The following NLRP11 variants were observed in gnomAD, a reference collection of about 807,000 sequenced individuals.
NLRP11 encodes the protein NLR family pyrin domain containing 11, also known as NACHT, LRR and PYD domains-containing protein 11.
NLRP11 carries 53 observed loss-of-function variants against 79.3 expected under a neutral mutation model. The observed-to-expected ratio is 0.67, with a 90% CI of 0.54 to 0.84. The LOEUF is 0.84. Ranked by LOEUF, NLRP11 falls within the 40% of genes least tolerant of loss-of-function variation. The pLI, the probability that NLRP11 is intolerant of heterozygous loss-of-function variation, is 0.00. For missense variants in NLRP11, 1,264 were observed against 1,255.0 expected, an observed-to-expected ratio of 1.01 and a Z score of -0.11; for synonymous variants, 518 against 462.6, an observed-to-expected ratio of 1.12 and a Z score of -1.54.
intron 4 of NLRP11, among the ~76,000 whole-genome samples, chr19:55,802,020 A>T (rs888156796): frequency 2.0e-5 from 3 of 152,136 alleles, no homozygotes; most frequent in Admixed American, 1.3e-4. Flanking sequence ...ATACATCCAC[A>T]TGCACAAAGA....
intron 1 of NLRP11, among the ~76,000 whole-genome samples, chr19:55,819,970 A>C (rs1340756664): frequency 6.6e-6 from 1 of 152,210 alleles, no homozygotes; most frequent in Non-Finnish European, 1.5e-5. Flanking sequence ...GCCATGAAGT[A>C]CATGGAAAGA....
chr19:55,795,903 G>A (rs1212175455), intron 6 of NLRP11, among the ~76,000 whole-genome samples, 177 bp downstream of exon 6: 1 of 152,126 alleles, frequency 6.6e-6, no homozygotes, highest in Non-Finnish European at 1.5e-5. Context: ...TTTTGCCAAC[G>A]TTTCGCAAAT....
chr19:55,808,839 G>A, exon 3 of NLRP11: 2 of 1,614,002 alleles, frequency 1.2e-6, no homozygotes, highest in African/African-American at 2.7e-5. Flanking sequence ...AGTGTCCTCA[G>A]GTGACAGCAG....
intron 6 of NLRP11, among the ~76,000 whole-genome samples, chr19:55,795,721 C>T (rs1026325291): frequency 6.6e-6 from 1 of 152,138 alleles, no homozygotes; most frequent in South Asian, 2.1e-4. Context: ...AACTCCTGAC[C>T]TTGTGATCCG....
rs888650686 is a variant in NLRP11, at chr19:55,827,477, C to T, written c.-63+4486G>A. Among the ~76,000 whole-genome samples, 979 of 150,762 alleles carry T rather than the reference C, an allele frequency of 6.5e-3. 12 individuals are homozygous for T. The highest frequency in any genetic ancestry group is 0.022 in the African/African-American group (908 of 40,794). Reference sequence around the variant, plus strand: ...AGAAACTACCATCAGAGTCAACAGGCAACCTACAAAATGGGAGAAAATTTT... The same window carrying T: ...AGAAACTACCATCAGAGTCAACAGGTAACCTACAAAATGGGAGAAAATTTT... On this transcript the variant is annotated intron_variant, in intron 1 of 9. Coordinates refer to ENST00000589093, the Ensembl canonical transcript of NLRP11.
chr19:55,788,925 G>A lies in NLRP11; in HGVS notation c.2737C>T (p.Leu913Phe), dbSNP rs138159992. 3 of 1,613,812 alleles carry A rather than the reference G, an allele frequency of 1.9e-6. No individual in the cohort carries two copies. The African/African-American group carries it at 4.0e-5, about 22-fold the overall frequency. ...CTTTCTAGTGTTTTGTTGGTGGTAAGAACAGAGGCAAGAGATCGACAGCAG... is the reference window on the plus strand; with the variant it reads ...CTTTCTAGTGTTTTGTTGGTGGTAAAAACAGAGGCAAGAGATCGACAGCAG... Residue 913 changes from leucine to phenylalanine, a missense_variant, in exon 9 of 10, where the codon CTT becomes TTT. By Grantham distance (22) the Leu-to-Phe change is conservative (BLOSUM62 0). Transcript: ENST00000589093.
chr19:55,807,180 T>C (rs1369079568), intron 4 of NLRP11, among the ~76,000 whole-genome samples: 1 of 151,874 alleles, frequency 6.6e-6, no homozygotes, highest in Non-Finnish European at 1.5e-5. Context: ...AAAGTAGGCA[T>C]TCTTCTTGAA....
At chr19:55,835,895 G>T (rs564669047), upstream of NLRP11, among the ~76,000 whole-genome samples, 2 of 152,100 alleles carry the variant, frequency 1.3e-5, no homozygotes, top group Non-Finnish European at 2.9e-5. Flanking sequence ...AGGCCGAGGC[G>T]GGCAGATCAC....
exon 3 of NLRP11, chr19:55,810,060 C>A (rs757629477): frequency 1.2e-6 from 2 of 1,614,088 alleles, no homozygotes; most frequent in Non-Finnish European, 1.7e-6. Context: ...GTGAGGTGAA[C>A]GACGTACGAG....
intron 4 of NLRP11, among the ~76,000 whole-genome samples, chr19:55,806,443 C>G (rs1979995856): frequency 6.6e-6 from 1 of 152,206 alleles, no homozygotes; most frequent in Admixed American, 6.5e-5. Flanking sequence ...TGGGACAATT[C>G]TCTCTCCTAG....
intron 2 of NLRP11, among the ~76,000 whole-genome samples, chr19:55,812,957 G>A (rs1392276532): frequency 1.3e-5 from 2 of 152,090 alleles, no homozygotes; most frequent in East Asian, 1.9e-4. Context: ...GAACAACCTT[G>A]CTAAACTTTC....
chr19:55,807,777 T>C (rs1162032530), intron 4 of NLRP11, 76 bp downstream of exon 4: 4 of 1,003,232 alleles, frequency 4.0e-6, no homozygotes, highest in Admixed American at 2.2e-5. Context: ...TTGTATATTG[T>C]CTTCTCCCAG....
rs532731638 is a variant in NLRP11 at position 55,796,993 on chromosome 19, T to G, written c.2172-743A>C. ...CATGAGCCACTGTGTCCGGTCTAAC[T>G]TTCTATTCATTACTCATTCTGTACC... On this transcript the variant is annotated intron_variant, in intron 5 of 9. Transcript: ENST00000589093. 1.4e-4 allele frequency among the ~76,000 whole-genome samples: 22 copies of G among 152,214 alleles called. No homozygotes were observed. In the South Asian group the frequency reaches 4.4e-3, roughly 30 times the overall value.
At chr19:55,792,147 G>A (rs1034497100) in intron 7 of NLRP11, among the ~76,000 whole-genome samples, 154 bp downstream of exon 7, 2 of 152,082 alleles carry the variant, frequency 1.3e-5, no homozygotes, top group Non-Finnish European at 2.9e-5. Flanking sequence ...GAATCTTACC[G>A]TGCTTTCATG....
chr19:55,795,580 C>T (rs1007651167), intron 6 of NLRP11, among the ~76,000 whole-genome samples: 6 of 152,104 alleles, frequency 3.9e-5, no homozygotes, highest in Non-Finnish European at 1.5e-5. Flanking sequence ...ACCTCCGCCT[C>T]CCGGGTTCAA....
At chr19:55,789,498 T>C (rs1990111447) in intron 7 of NLRP11, 99 bp from the exon 8 acceptor site, 2 of 1,070,714 alleles carry the variant, frequency 1.9e-6, no homozygotes, top group East Asian at 4.8e-5. Flanking sequence ...GTGACATTCA[T>C]GAATAAGGGA....
chr19:55,828,274 G>A (rs918941809), intron 1 of NLRP11, among the ~76,000 whole-genome samples: 3 of 149,018 alleles, frequency 2.0e-5, no homozygotes, highest in Non-Finnish European at 4.4e-5. Flanking sequence ...GGTGGGGTGG[G>A]GGGAAGGGGG....
At position 55,817,983 on chromosome 19, in the gene NLRP11, A is replaced by C; in HGVS notation, c.192T>G (p.Tyr64Ter). The stretch of plus-strand genomic sequence containing the variant: ...ATATGCTGAAGAGCATATTCCATAT[A>C]TACTGTCCCTCATAAGAGATTGGCA... Residue 64 changes from tyrosine (Y) to a stop codon, truncating the protein, a stop_gained, in exon 2 of 10, where the codon TAT (tyrosine) becomes TAG (stop). Transcript: ENST00000589093. LOFTEE classifies it high-confidence loss of function. 1 of 1,613,206 alleles carries C rather than the reference A, an allele frequency of 6.2e-7. No homozygotes were observed. Among genetic ancestry groups the C allele is most frequent in the Non-Finnish European group, 8.5e-7 (1 of 1,179,128 alleles).
chr19:55,795,244 C>T (rs1030336008), intron 6 of NLRP11, among the ~76,000 whole-genome samples: 8 of 152,124 alleles, frequency 5.3e-5, no homozygotes, highest in Admixed American at 1.3e-4. Flanking sequence ...AACCCACAGT[C>T]GGTTACATAC....
Sources: allele counts gnomAD v4.1 joint callset (sites outside exome capture counted in the v4.1 genomes callset), GRCh38; gene constraint gnomAD v4.1.1; transcripts MANE v1.5; gene names NCBI Gene and HGNC (gene_info 2026-07-23, HGNC 2026-07-21).